Variants in CEP164 observed in about 807,000 individuals in gnomAD.
CEP164 encodes the protein centrosomal protein 164, also known as centrosomal protein of 164 kDa.
CEP164 carries 162 observed loss-of-function variants against 182.7 expected under a neutral mutation model. That is an observed-to-expected ratio of 0.89 (90% confidence interval 0.78 to 1.01). The LOEUF (loss-of-function observed/expected upper bound fraction) is 1.01. CEP164 is among the 50% of genes least tolerant of loss of function. The pLI, the probability that CEP164 is intolerant of heterozygous loss-of-function variation, is 0.00. For synonymous variants in CEP164, 661 were observed against 690.0 expected (o/e 0.96, Z 0.66); for missense variants, 1,735 against 1,790.4 (o/e 0.97, Z 0.56).
In CEP164 at chr11:117,394,204, C is replaced by T. The variant is rs1204285673; in HGVS notation, c.2617-146C>T. The T allele has an allele frequency of 4.1e-5, 46 of 1,111,730 alleles. No homozygotes were observed. The highest frequency in any genetic ancestry group is 5.5e-5 in the Non-Finnish European group (43 of 783,822). 68.9% of individuals were successfully genotyped at this position (1,111,730 alleles called of 1,614,324 possible). Reference sequence around the variant, plus strand: ...GCCAGGGCCGGTGCTGTGCTTGTAACCCTCCTCTTCTCCAAGAGCTGGCTT... The same window carrying T: ...GCCAGGGCCGGTGCTGTGCTTGTAATCCTCCTCTTCTCCAAGAGCTGGCTT... On this transcript the variant is annotated intron_variant, in intron 20 of 32. Transcript: ENST00000278935. The surrounding 1 kb of genome is among the most constrained non-coding windows in gnomAD (Gnocchi z 4.0).
intron 2 of CEP164, among the ~76,000 whole-genome samples, chr11:117,336,798 C>G (rs566063619): frequency 6.6e-6 from 1 of 152,014 alleles, no homozygotes; most frequent in East Asian, 1.9e-4. Flanking sequence ...CTGGAGAGGT[C>G]AGGACTTGTG....
chr11:117,375,572 A>T (rs1426226315), intron 10 of CEP164, 136 bp from the exon 11 acceptor site: 3 of 671,764 alleles, frequency 4.5e-6, no homozygotes, highest in Admixed American at 4.5e-5. Flanking sequence ...AAATTAGTAG[A>T]TGTTGAAATG....
At chr11:117,391,374 C>T (rs1367221616) in intron 17 of CEP164, among the ~76,000 whole-genome samples, 159 bp downstream of exon 17, 2 of 151,840 alleles carry the variant, frequency 1.3e-5, no homozygotes, top group Non-Finnish European at 2.9e-5. Flanking sequence ...TGGGAGACAG[C>T]GAGATGACCA....
In CEP164 at chr11:117,394,517, G is replaced by A. The variant is rs2136422437; in HGVS notation, c.2760+24G>A. The stretch of plus-strand genomic sequence containing the variant: ...AGGTGAGGGGCCTGGGGCAGGGTGA[G>A]CCCACTGTGACCCCTCCATGCACAG... On this transcript the variant is annotated intron_variant, in intron 21 of 32. Transcript: ENST00000278935. The surrounding 1 kb of genome is among the most constrained non-coding windows in gnomAD (Gnocchi z 4.0). 6.2e-7 allele frequency: 1 copy of A among 1,611,756 alleles called. No homozygotes were observed. Among genetic ancestry groups the A allele is most frequent in the East Asian group, 2.2e-5 (1 of 44,846 alleles).
chr11:117,371,559 C>A, intron 9 of CEP164, 93 bp downstream of exon 9: 1 of 1,456,194 alleles, frequency 6.9e-7, no homozygotes, highest in Non-Finnish European at 9.2e-7. Flanking sequence ...ATCTTTATTA[C>A]TGAGTCAGGA....
At position 117,392,641 on chromosome 11, in the gene CEP164, T is replaced by C; in HGVS notation, c.2493+14T>C. The C allele has an allele frequency of 6.2e-7, 1 of 1,612,398 alleles. No individual in the cohort carries two copies. The highest frequency in any genetic ancestry group is 8.5e-7 in the Non-Finnish European group (1 of 1,178,998). On this transcript the variant is annotated intron_variant, in intron 19 of 32. Coordinates refer to ENST00000278935, the MANE Select transcript of CEP164 (RefSeq NM_014956.5). ...TATGAGCACGAGGTGAGTGCTGCTC[T>C]GTCTTCCACAGTCGTGTGCGCCTGT...
chr11:117,375,861 A>AAC, intron 11 of CEP164, 70 bp downstream of exon 11: 1 of 1,347,882 alleles, frequency 7.4e-7, no homozygotes, highest in Non-Finnish European at 1.1e-6. Flanking sequence ...GATGACCCAG[A>AAC]ACTGAGCCCT....
intron 5 of CEP164, among the ~76,000 whole-genome samples, chr11:117,353,296 A>G (rs1366745919): frequency 1.3e-5 from 2 of 152,054 alleles, no homozygotes; most frequent in African/African-American, 2.4e-5. Context: ...CCTCCCTGAC[A>G]TGTTACTCAC....
In CEP164 at chr11:117,409,518, G is replaced by A. The variant is rs192734523; in HGVS notation, c.3749-100G>A. ...GAGGGGCTGTTGTCTGGAGAAGCAG[G>A]GAGGGGTGGCCAGTAGGGTCCTCCA... is the stretch of plus-strand genomic sequence containing the variant. On this transcript the variant is annotated intron_variant, in intron 29 of 32. Coordinates refer to ENST00000278935, the MANE Select transcript of CEP164 (RefSeq NM_014956.5). The surrounding 1 kb of genome is among the most constrained non-coding windows in gnomAD (Gnocchi z 4.4). 1.2e-4 allele frequency: 127 copies of A among 1,038,048 alleles called. No individual in the cohort carries two copies. In the African/African-American group the frequency reaches 1.7e-3, roughly 14 times the overall value. 64.3% of individuals were successfully genotyped at this position (1,038,048 alleles called of 1,614,324 possible).
intron 5 of CEP164, among the ~76,000 whole-genome samples, chr11:117,360,074 A>G (rs1410767350): frequency 1.3e-5 from 2 of 152,158 alleles, no homozygotes; most frequent in Non-Finnish European, 1.5e-5. Context: ...CACCTTCCTC[A>G]TCAGTGGAGA....
At chr11:117,402,090 G>A (rs936335089) in intron 27 of CEP164, among the ~76,000 whole-genome samples, 1 of 152,006 alleles carries the variant, frequency 6.6e-6, no homozygotes, top group Non-Finnish European at 1.5e-5. Context: ...GATCTTTCCT[G>A]CTTTCTCCTG....
intron 5 of CEP164, chr11:117,356,506 T>C (rs1487674825): frequency 7.8e-7 from 1 of 1,288,572 alleles, no homozygotes; most frequent in East Asian, 5.6e-5. Flanking sequence ...AAGAGGCCTC[T>C]CAGCAAGCCC....
chr11:117,360,869 A>C (rs1340188695), intron 5 of CEP164, among the ~76,000 whole-genome samples: 4 of 151,774 alleles, frequency 2.6e-5, no homozygotes, highest in African/African-American at 9.7e-5. Context: ...AAACTTTATC[A>C]ACTGAGAATT....
At chr11:117,369,096 G>T (rs1198027982) in intron 8 of CEP164, among the ~76,000 whole-genome samples, 1 of 152,202 alleles carries the variant, frequency 6.6e-6, no homozygotes, top group Non-Finnish European at 1.5e-5. Context: ...TTGAGGGCAG[G>T]ATCTATGGTT....
chr11:117,384,214 C>G (rs941338804), intron 14 of CEP164, among the ~76,000 whole-genome samples: 1 of 152,178 alleles, frequency 6.6e-6, no homozygotes, highest in African/African-American at 2.4e-5. Flanking sequence ...CAGGTTTATG[C>G]ACACATTACT....
chr11:117,330,161 T>G (rs950803838), intron 1 of CEP164, among the ~76,000 whole-genome samples: 11 of 152,190 alleles, frequency 7.2e-5, no homozygotes. Context: ...AGGCTTTCCC[T>G]GATCTTCCTA....
At chr11:117,355,787 A>G in intron 5 of CEP164, 1 of 1,110,166 alleles carries the variant, frequency 9.0e-7, no homozygotes, top group South Asian at 2.4e-5. Context: ...AACAGAGCCC[A>G]GTGACCCTGA....
At chr11:117,358,714 T>G (rs1337303983) in intron 5 of CEP164, among the ~76,000 whole-genome samples, 2 of 152,074 alleles carry the variant, frequency 1.3e-5, no homozygotes, top group Non-Finnish European at 2.9e-5. Flanking sequence ...ATTATTTTTT[T>G]GTAGACATGG....
rs2042173742 is a variant in CEP164, at chr11:117,371,315, C to G, written c.1001C>G (p.Pro334Arg). 4 of 1,614,102 alleles carry G rather than the reference C, an allele frequency of 2.5e-6. No homozygotes were observed. The highest frequency in any genetic ancestry group is 3.3e-5 in the Admixed American group (2 of 60,010). The change falls in exon 9 of 33, where the codon CCT becomes CGT. Residue 334 changes from proline to arginine, a missense_variant. Pro to Arg is a moderately radical substitution (Grantham distance 103, BLOSUM62 -2). Transcript: ENST00000278935. ...AATCTGGTGACCCCCAAGGCAGACC[C>G]TACAGGCAGTGAGCCTGCCAAAGCC... ...CRNLVTPKAD[P>R]TGSEPAKASE...
Sources: allele counts gnomAD v4.1 joint callset (sites outside exome capture counted in the v4.1 genomes callset), GRCh38; gene constraint gnomAD v4.1.1; non-coding constraint Gnocchi (gnomAD v3.1); transcripts MANE v1.5; gene names NCBI Gene and HGNC (gene_info 2026-07-23, HGNC 2026-07-21).